TTC23L: variants seen among roughly 807,000 people sequenced by gnomAD.
TTC23L encodes tetratricopeptide repeat protein 23-like.
Under a neutral mutation model 48.1 loss-of-function variants are expected in TTC23L, and 42 were observed. The observed-to-expected ratio is 0.87, with a 90% CI of 0.68 to 1.13. The LOEUF is 1.13. Ranked by LOEUF, TTC23L falls within the 50% of genes most tolerant of loss-of-function variation. TTC23L has a pLI of 0.00. For synonymous variants in TTC23L, 159 were observed against 157.2 expected, an observed-to-expected ratio of 1.01 and a Z score of -0.09; for missense variants, 391 against 421.0, an observed-to-expected ratio of 0.93 and a Z score of 0.62.
At chr5:34,845,449 G>A (rs772906551) in intron 2 of TTC23L, 38 bp from the exon 3 acceptor site, 2 of 1,585,028 alleles carry the variant, frequency 1.3e-6, no homozygotes, top group East Asian at 2.2e-5. Flanking sequence ...AGATGGAGAA[G>A]GTTAAATCCT....
the TTC23L span, chr5:34,921,990 A>G: frequency 3.5e-6 from 1 of 283,838 alleles, no homozygotes; most frequent in Non-Finnish European, 6.5e-6. Context: ...AAAATATGAT[A>G]GATAATTTCA....
the TTC23L span, chr5:34,922,323 T>C: frequency 2.9e-5 from 38 of 1,289,806 alleles, no homozygotes; most frequent in Non-Finnish European, 4.2e-5. Context: ...TTAAACTCAT[T>C]TAAGTGGATT....
downstream of TTC23L, among the ~76,000 whole-genome samples, chr5:34,900,903 G>A (rs115088532): frequency 8.7e-3 from 1,321 of 152,300 alleles, 18 homozygotes; most frequent in African/African-American, 0.031. Flanking sequence ...ACATCTGCGC[G>A]CACTGCCGCA....
At position 34,880,270 on chromosome 5, in the gene TTC23L, G is replaced by T. The variant is rs767790013; in HGVS notation, c.1039G>T (p.Glu347Ter). 1 of 1,613,146 alleles carries T rather than the reference G, an allele frequency of 6.2e-7. No homozygotes were observed. The highest frequency in any genetic ancestry group is 1.1e-5 in the South Asian group (1 of 90,814). ...TTTTGAAACACTGAGCACCACTGAA[G>T]AATTTTGCAAATGGCTTGTCCAAAA... Residue 347 changes from glutamate (E) to a stop codon, truncating the protein, a stop_gained, in exon 9 of 11, where the codon GAA (glutamate) becomes TAA (stop). Transcript: ENST00000505624. LOFTEE classifies it high-confidence loss of function.
Position 34,891,683 on chromosome 5 carries a change from G to A in TTC23L, c.1078-5087G>A, listed in dbSNP as rs377136789. On this transcript the variant is annotated intron_variant, in intron 9 of 10. Coordinates refer to ENST00000505624, the Ensembl canonical transcript of TTC23L. ...AAATGTATAATTTCAGAGAAAAAAT[G>A]CATGATGTTTCCTCAAAACTGAACA... Among the ~76,000 whole-genome samples the A allele has an allele frequency of 1.1e-4, 16 of 152,274 alleles. No individual in the cohort carries two copies. In the South Asian group the frequency reaches 3.1e-3, roughly 30 times the overall value.
chr5:34,867,291 T>G, intron 7 of TTC23L: 1 of 580,884 alleles, frequency 1.7e-6, no homozygotes, highest in Non-Finnish European at 3.1e-6. Context: ...TGTCATTGGC[T>G]GTGCAGACAG....
chr5:34,879,493 C>A (rs1266332657), intron 8 of TTC23L, among the ~76,000 whole-genome samples: 2 of 152,102 alleles, frequency 1.3e-5, no homozygotes, highest in African/African-American at 4.8e-5. Flanking sequence ...CCTCCCAGCA[C>A]CCCCCAAACA....
chr5:34,866,989 C>G, exon 7 of TTC23L: 2 of 1,611,696 alleles, frequency 1.2e-6, no homozygotes, highest in Non-Finnish European at 1.7e-6. Context: ...GACGTCAGAT[C>G]TGATCAGCCT....
chr5:34,921,975 G>T, the TTC23L span: 1 of 261,380 alleles, frequency 3.8e-6, no homozygotes, highest in Non-Finnish European at 7.1e-6. Flanking sequence ...TAGATGCTAG[G>T]CCCAAAAATA....
the TTC23L span, chr5:34,925,151 A>G: frequency 6.8e-7 from 1 of 1,463,300 alleles, no homozygotes; most frequent in Non-Finnish European, 9.1e-7. Context: ...TATGGTTCAT[A>G]ACTGAAAGTC....
At chr5:34,880,192 A>G (rs1762128305) in exon 9 of TTC23L, 1 of 1,611,394 alleles carries the variant, frequency 6.2e-7, no homozygotes, top group Non-Finnish European at 8.5e-7. Context: ...TGCTGTTGAG[A>G]TATATTTCAT....
chr5:34,918,454 T>C, the TTC23L span: 4 of 1,604,996 alleles, frequency 2.5e-6, no homozygotes, highest in Non-Finnish European at 3.4e-6. Flanking sequence ...CTTGAGAATG[T>C]TGATGCCTCA....
intron 9 of TTC23L, chr5:34,888,585 G>A (rs1037059288): frequency 1.1e-6 from 1 of 903,614 alleles, no homozygotes; most frequent in African/African-American, 1.8e-5. Context: ...GTGGATATAT[G>A]CATGGCATGG....
intron 9 of TTC23L, among the ~76,000 whole-genome samples, chr5:34,890,153 TG>T (rs777041263): frequency 2.0e-5 from 3 of 151,614 alleles, no homozygotes; most frequent in African/African-American, 4.9e-5. Context: ...TCAGAAAGTT[TG>T]GGTATCTTGG....
the TTC23L span, among the ~76,000 whole-genome samples, chr5:34,924,099 A>G: frequency 3.9e-5 from 6 of 152,334 alleles, no homozygotes; most frequent in African/African-American, 4.8e-5. Context: ...AAGGCATTCA[A>G]TGGCAGCGGT....
the TTC23L span, chr5:34,916,063 T>G: frequency 1.3e-6 from 1 of 771,454 alleles, no homozygotes; most frequent in East Asian, 3.2e-5. Flanking sequence ...AGTTTGCAGC[T>G]AATCCTTGTG....
In TTC23L at chr5:34,841,072, G is replaced by A. The variant is rs544464690; in HGVS notation, c.68+333G>A. On this transcript the variant is annotated intron_variant, in intron 2 of 10. Transcript: ENST00000505624. ...AAAATAAAATAAAATAAAAAAGAAG[G>A]TTGTGTTTCTGATGTGCTTTAATAA... Among the ~76,000 whole-genome samples, 5 of 152,034 alleles carry A rather than the reference G, an allele frequency of 3.3e-5. No homozygotes were observed. The South Asian group carries it at 8.3e-4, about 25-fold the overall frequency.
chr5:34,918,140 C>CAAAAA, the TTC23L span: 47 of 103,426 alleles, frequency 4.5e-4, no homozygotes, highest in South Asian at 9.9e-4. Flanking sequence ...CCCATCTCTA[C>CAAAAA]AAAAAAAAAA....
chr5:34,864,384 C>G (rs1760896083), intron 5 of TTC23L, 53 bp from the exon 6 acceptor site: 8 of 1,598,804 alleles, frequency 5.0e-6, no homozygotes, highest in Middle Eastern at 1.7e-4. Context: ...ACCTGCTGTC[C>G]CTGTGCAGTG....
Sources: allele counts gnomAD v4.1 joint callset (sites outside exome capture counted in the v4.1 genomes callset), GRCh38; gene constraint gnomAD v4.1.1; transcripts MANE v1.5; gene names NCBI Gene and HGNC (gene_info 2026-07-23, HGNC 2026-07-21).